Variants in EIF4G3 observed in about 807,000 individuals in gnomAD.
EIF4G3 encodes the protein eIF-4-gamma 3.
In EIF4G3, 34 loss-of-function variants were observed where a neutral mutation model predicts 186.4. The observed-to-expected ratio is 0.18, with a 90% CI of 0.14 to 0.24. The LOEUF (loss-of-function observed/expected upper bound fraction) is 0.24, where lower values mean the gene tolerates loss of function less well. Ranked by LOEUF, EIF4G3 falls within the 10% of genes least tolerant of loss-of-function variation. The probability of loss-of-function intolerance (pLI) is 1.00; values close to 1 mark genes in which losing one functional copy is unlikely to be tolerated. For missense variants in EIF4G3, 1,536 were observed against 1,948.5 expected (o/e 0.79, Z 3.99); for synonymous variants, 673 against 679.5 (o/e 0.99, Z 0.15).
rs551758989 is a variant in EIF4G3 at position 21,172,384 on chromosome 1, C to T, written c.-272+3791G>A. Among the ~76,000 whole-genome samples the T allele has an allele frequency of 7.2e-5, 11 of 152,250 alleles. No homozygotes were observed. In the East Asian group the frequency reaches 1.9e-3, roughly 27 times the overall value. ...GACGTTTTGTTTACCCACCTCTAAC[C>T]AAAAGGACCAAGTTCTTTGAGGGCA... On this transcript the variant is annotated intron_variant, in intron 2 of 36. Transcript: ENST00000602326.
At chr1:21,002,914 T>C (rs1337856422) in intron 4 of EIF4G3, 106 bp from the exon 5 acceptor site, 3 of 591,304 alleles carry the variant, frequency 5.1e-6, no homozygotes, top group Non-Finnish European at 8.7e-6. Flanking sequence ...ATTAATGTGG[T>C]TTATATTCTA....
At chr1:20,828,626 A>G (rs1411407984) in intron 31 of EIF4G3, among the ~76,000 whole-genome samples, 1 of 152,228 alleles carries the variant, frequency 6.6e-6, no homozygotes, top group Non-Finnish European at 1.5e-5. Flanking sequence ...TTGTGGAAAC[A>G]CTAGTGTTTC....
At chr1:21,122,772 A>G (rs1233007571) in intron 2 of EIF4G3, among the ~76,000 whole-genome samples, 3 of 152,198 alleles carry the variant, frequency 2.0e-5, no homozygotes, top group South Asian at 2.1e-4. Context: ...TGCATTTAAC[A>G]TATCGGCTGG....
chr1:21,141,887 T>A (rs535919502), intron 2 of EIF4G3, among the ~76,000 whole-genome samples: 32 of 151,786 alleles, frequency 2.1e-4, no homozygotes, highest in African/African-American at 7.0e-4. Context: ...GCTGTGATTA[T>A]GCCACCACGC....
intron 12 of EIF4G3, among the ~76,000 whole-genome samples, chr1:20,950,491 T>G (rs987314085): frequency 1.3e-5 from 2 of 152,080 alleles, no homozygotes; most frequent in Admixed American, 6.6e-5. Flanking sequence ...CAAGAAGGAT[T>G]TGGTCAACTT....
chr1:20,940,359 C>T (rs2095669467), intron 14 of EIF4G3, among the ~76,000 whole-genome samples: 3 of 152,174 alleles, frequency 2.0e-5, no homozygotes. Context: ...CTTTCCTGTG[C>T]TGGCTCATGG....
Position 21,176,742 on chromosome 1 carries a change from T to A in EIF4G3, c.-476A>T. On this transcript the variant is annotated 5_prime_UTR_variant, in exon 1 of 37. The change abolishes an upstream ATG in the 5' untranslated region. Transcript: ENST00000602326. ...CGGACCTTTCACGGCAATATCCTCA[T>A]GGGCCGGCGGCGGGGGATCTTTATC... 1.4e-6 allele frequency: 1 copy of A among 696,412 alleles called. No homozygotes were observed. The highest frequency in any genetic ancestry group is 1.5e-5 in the South Asian group (1 of 67,484). 43.1% of individuals were successfully genotyped at this position (696,412 alleles called of 1,614,324 possible).
At chr1:21,045,910 G>A (rs771460669) in intron 4 of EIF4G3, among the ~76,000 whole-genome samples, 4 of 151,986 alleles carry the variant, frequency 2.6e-5, no homozygotes, top group Non-Finnish European at 4.4e-5. Flanking sequence ...CAAAACCCAC[G>A]GAAGTCTTAA....
rs1400114552 is a variant in EIF4G3, at chr1:21,004,978, T to C, written c.-66-2170A>G. Among the ~76,000 whole-genome samples the C allele has an allele frequency of 2.0e-5, 3 of 152,074 alleles. No homozygotes were observed. The East Asian group carries it at 5.8e-4, about 29-fold the overall frequency. ...CTAAATCTAGCCACTAACCTAAAAATATGGCAGCAAAGTATCTCATGTCTA... is the reference window on the plus strand; with the variant it reads ...CTAAATCTAGCCACTAACCTAAAAACATGGCAGCAAAGTATCTCATGTCTA... On this transcript the variant is annotated intron_variant, in intron 4 of 36. Coordinates refer to ENST00000602326, the MANE Select transcript of EIF4G3 (RefSeq NM_001391906.1).
chr1:21,105,384 T>A (rs1384764301), intron 2 of EIF4G3, among the ~76,000 whole-genome samples: 1 of 151,508 alleles, frequency 6.6e-6, no homozygotes, highest in African/African-American at 2.4e-5. Context: ...GAGCCGCGAT[T>A]GCGCCATTGC....
chr1:20,906,438 C>T (rs917937696), intron 14 of EIF4G3, among the ~76,000 whole-genome samples: 1 of 152,050 alleles, frequency 6.6e-6, no homozygotes, highest in Non-Finnish European at 1.5e-5. Context: ...TTTTGTTTTG[C>T]ATTTGTATGA....
At chr1:20,892,715 C>T (rs1249746580) in intron 18 of EIF4G3, 1 of 1,534,652 alleles carries the variant, frequency 6.5e-7, no homozygotes, top group Non-Finnish European at 8.7e-7. Context: ...CATGCCTGCT[C>T]TGCACTTTGC....
intron 11 of EIF4G3, among the ~76,000 whole-genome samples, chr1:20,970,964 C>CA (rs1253808687): frequency 2.7e-5 from 4 of 150,494 alleles, no homozygotes; most frequent in Non-Finnish European, 1.5e-5. Flanking sequence ...GACTTTGTCT[C>CA]AAAAAAACAG....
At chr1:21,002,363 T>C (rs780102240) in intron 5 of EIF4G3, among the ~76,000 whole-genome samples, 5 of 152,186 alleles carry the variant, frequency 3.3e-5, no homozygotes, top group Admixed American at 6.5e-5. Flanking sequence ...CCTAAAATCA[T>C]TGTATTTTAC....
chr1:21,107,789 C>T (rs765576206), intron 2 of EIF4G3, among the ~76,000 whole-genome samples: 3 of 152,196 alleles, frequency 2.0e-5, no homozygotes, highest in African/African-American at 7.2e-5. Flanking sequence ...AGCAATTCTC[C>T]TGCTTCAGCC....
At chr1:21,167,038 T>C (rs2097866426) in intron 2 of EIF4G3, among the ~76,000 whole-genome samples, 1 of 152,104 alleles carries the variant, frequency 6.6e-6, no homozygotes, top group South Asian at 2.1e-4. Flanking sequence ...CACCTTGGGC[T>C]CCTGAAGTGC....
At chr1:20,843,018 A>C (rs554439639) in intron 29 of EIF4G3, among the ~76,000 whole-genome samples, 17 of 151,800 alleles carry the variant, frequency 1.1e-4, no homozygotes, top group Non-Finnish European at 2.4e-4. Context: ...AATTTAAAAA[A>C]ATTTTTTTGT....
chr1:21,154,548 A>G lies in EIF4G3; in HGVS notation c.-272+21627T>C, dbSNP rs115331545. Among the ~76,000 whole-genome samples, 391 of 152,328 alleles carry G rather than the reference A, an allele frequency of 2.6e-3. 2 individuals are homozygous for G. Among genetic ancestry groups the G allele is most frequent in the African/African-American group, 9.2e-3 (382 of 41,574 alleles). The stretch of plus-strand genomic sequence containing the variant: ...GTCATAAGTAGCCTCCGCTCCAAAT[A>G]TATTTTTCAAAGTTTTGGTTTCCAG... On this transcript the variant is annotated intron_variant, in intron 2 of 36. Transcript: ENST00000602326.
chr1:20,858,264 G>C (rs2075513974), intron 24 of EIF4G3, among the ~76,000 whole-genome samples: 1 of 152,064 alleles, frequency 6.6e-6, no homozygotes, highest in Non-Finnish European at 1.5e-5. Flanking sequence ...AAATAATCTG[G>C]CTCCTGCTGC....
Sources: allele counts gnomAD v4.1 joint callset (sites outside exome capture counted in the v4.1 genomes callset), GRCh38; gene constraint gnomAD v4.1.1; transcripts MANE v1.5; gene names NCBI Gene and HGNC (gene_info 2026-07-23, HGNC 2026-07-21).